Variants in ARHGAP31 observed in about 807,000 individuals in gnomAD.
The protein encoded by ARHGAP31 is Rho GTPase activating protein 31.
A neutral mutation model predicts 113.9 loss-of-function variants in ARHGAP31; 34 were observed. The observed-to-expected ratio is 0.30, with a 90% CI of 0.23 to 0.40. ARHGAP31 has a LOEUF of 0.40. Among genes scored for constraint, ARHGAP31 ranks in the 10% least tolerant of loss-of-function variants. ARHGAP31 has a pLI of 1.00. For missense variants in ARHGAP31, 1,548 were observed against 1,767.1 expected (o/e 0.88, Z 2.22); for synonymous variants, 650 against 684.8 (o/e 0.95, Z 0.79).
rs770576541 is a variant in ARHGAP31, at chr3:119,414,410, C to T, written c.2481C>T (p.Ser827=). The change falls in exon 12 of 12, where the codon AGC becomes AGT. Residue 827 remains serine, a synonymous_variant. Coordinates refer to ENST00000264245, the MANE Select transcript of ARHGAP31 (RefSeq NM_020754.4). ...LYIDQLKSQD[S]PEISSLCQGE... ...TAGACCAGCTGAAGTCCCAAGACAG[C>T]CCTGAGATCTCTAGCCTCTGTCAGG... 6.2e-7 allele frequency: 1 copy of T among 1,614,214 alleles called. No individual in the cohort carries two copies. Among genetic ancestry groups the T allele is most frequent in the Non-Finnish European group, 8.5e-7 (1 of 1,180,040 alleles).
At chr3:119,327,569 A>G (rs867264853) in intron 1 of ARHGAP31, among the ~76,000 whole-genome samples, 3 of 152,268 alleles carry the variant, frequency 2.0e-5, no homozygotes, top group Non-Finnish European at 2.9e-5. Context: ...ATAAAGTAAA[A>G]TAAAATAAAT....
chr3:119,407,347 G>GA (rs776196297), intron 10 of ARHGAP31, among the ~76,000 whole-genome samples: 21 of 18,904 alleles, frequency 1.1e-3, no homozygotes, highest in Non-Finnish European at 1.4e-3. Flanking sequence ...ACTCCATCTC[G>GA]AAAAAAAAAA....
At chr3:119,358,346 A>G (rs2080176788) in intron 1 of ARHGAP31, among the ~76,000 whole-genome samples, 1 of 152,236 alleles carries the variant, frequency 6.6e-6, no homozygotes, top group African/African-American at 2.4e-5. Context: ...AAGATAGACA[A>G]CAAGTCTTGA....
chr3:119,394,642 AAAAAAAACC>A (rs1226258378), intron 8 of ARHGAP31, among the ~76,000 whole-genome samples: 1 of 151,784 alleles, frequency 6.6e-6, no homozygotes, highest in African/African-American at 2.4e-5. Context: ...TGGATCCTGG[AAAAAAAACC>A]AAAAAAACAA....
At chr3:119,309,582 C>CT (rs922717824) in intron 1 of ARHGAP31, among the ~76,000 whole-genome samples, 31 of 139,742 alleles carry the variant, frequency 2.2e-4, no homozygotes, top group African/African-American at 7.8e-4. Flanking sequence ...TGGCAAGACT[C>CT]TGTCTCTACA....
intron 1 of ARHGAP31, chr3:119,322,471 C>G (rs2079797279): frequency 1.3e-5 from 2 of 152,546 alleles, no homozygotes; most frequent in Non-Finnish European, 2.9e-5. Context: ...GGCAGCTTCT[C>G]TCAGTGGCAG....
At chr3:119,362,691 C>T (rs2080219088) in intron 1 of ARHGAP31, among the ~76,000 whole-genome samples, 1 of 150,884 alleles carries the variant, frequency 6.6e-6, no homozygotes, top group African/African-American at 2.4e-5. Context: ...TCACTTGAAA[C>T]TGGGAGGCCA....
intron 1 of ARHGAP31, among the ~76,000 whole-genome samples, chr3:119,319,030 A>C (rs562346296): frequency 1.8e-4 from 28 of 152,240 alleles, no homozygotes; most frequent in African/African-American, 6.5e-4. Flanking sequence ...TCATTGTTAA[A>C]AATTCTTCCC....
At chr3:119,361,151 TA>T (rs1303582383) in intron 1 of ARHGAP31, among the ~76,000 whole-genome samples, 6 of 152,206 alleles carry the variant, frequency 3.9e-5, no homozygotes, top group African/African-American at 1.4e-4. Flanking sequence ...ACTGCAACAC[TA>T]CCCTCCAGGG....
rs200598971 is a variant in ARHGAP31 at position 119,414,145 on chromosome 3, C to G, written c.2216C>G (p.Pro739Arg). The change falls in exon 12 of 12, where the codon CCG (proline) becomes CGG (arginine). Residue 739 changes from proline (P) to arginine (R), a missense_variant. Pro to Arg is a moderately radical substitution (Grantham distance 103). Coordinates refer to ENST00000264245, the MANE Select transcript of ARHGAP31 (RefSeq NM_020754.4). ...GASTAASREK[P>R]EPEQGLHPDL... The stretch of plus-strand genomic sequence containing the variant: ...TCCACAGCAGCCAGCAGAGAGAAGC[C>G]GGAACCTGAGCAGGGCCTGCACCCA... 1.2e-6 allele frequency: 2 copies of G among 1,614,168 alleles called. No homozygotes were observed. The highest frequency in any genetic ancestry group is 1.7e-6 in the Non-Finnish European group (2 of 1,180,026).
intron 1 of ARHGAP31, among the ~76,000 whole-genome samples, chr3:119,344,883 A>G (rs910331768): frequency 2.0e-5 from 3 of 152,184 alleles, no homozygotes; most frequent in Non-Finnish European, 4.4e-5. Context: ...GTAACCAACC[A>G]TAGTTTTTTT....
intron 8 of ARHGAP31, among the ~76,000 whole-genome samples, chr3:119,395,890 C>A (rs991201835): frequency 1.3e-5 from 2 of 152,084 alleles, no homozygotes; most frequent in African/African-American, 4.8e-5. Context: ...CAGGTTGCCA[C>A]AAGTATGGCA....
chr3:119,318,916 C>T (rs907209004), intron 1 of ARHGAP31, among the ~76,000 whole-genome samples: 10 of 152,002 alleles, frequency 6.6e-5, no homozygotes, highest in African/African-American at 2.4e-4. Flanking sequence ...CTTGGTCCAA[C>T]AACCTGCCCA....
chr3:119,295,732 C>T (rs560282807), intron 1 of ARHGAP31, among the ~76,000 whole-genome samples: 9 of 149,828 alleles, frequency 6.0e-5, no homozygotes, highest in Non-Finnish European at 1.0e-4. Context: ...AGGAAAACTT[C>T]TCTGTTTTCA....
chr3:119,342,225 C>T (rs1040179991), intron 1 of ARHGAP31, among the ~76,000 whole-genome samples: 48 of 152,030 alleles, frequency 3.2e-4, no homozygotes, highest in South Asian at 4.2e-4. Flanking sequence ...CTAGGCCCCC[C>T]GATGATTTTT....
At chr3:119,412,976 C>T (rs568919511) in intron 11 of ARHGAP31, among the ~76,000 whole-genome samples, 1 of 151,186 alleles carries the variant, frequency 6.6e-6, no homozygotes, top group Non-Finnish European at 1.5e-5. Context: ...TGAGATCACG[C>T]CACTGCACTC....
rs781485119 is a variant in ARHGAP31, at chr3:119,415,353, G to T, written c.3424G>T (p.Val1142Phe). 10 of 1,613,912 alleles carry T rather than the reference G, an allele frequency of 6.2e-6. No homozygotes were observed. Among genetic ancestry groups the T allele is most frequent in the East Asian group, 2.2e-5 (1 of 44,884 alleles). Residue 1142 changes from valine to phenylalanine, a missense_variant, in exon 12 of 12, where the codon GTC becomes TTC. Physicochemically the swap from Val to Phe is conservative, Grantham distance 50. Coordinates refer to ENST00000264245, the MANE Select transcript of ARHGAP31 (RefSeq NM_020754.4). ...MQVSEPGDPK[V>F]TWMTSSYCKA... is the part of the protein sequence containing the mutation. ...GGTCTCTGAGCCAGGAGACCCAAAG[G>T]TCACATGGATGACCTCATCTTACTG...
At chr3:119,351,620 A>C (rs1559976399) in intron 1 of ARHGAP31, among the ~76,000 whole-genome samples, 1 of 151,824 alleles carries the variant, frequency 6.6e-6, no homozygotes, top group African/African-American at 2.4e-5. Flanking sequence ...AAGAAAAAAA[A>C]AGAGAGGTGG....
rs758792407 is a variant in ARHGAP31, at chr3:119,294,818, C to G, written c.-87C>G. 1.3e-5 allele frequency: 17 copies of G among 1,270,322 alleles called. No homozygotes were observed. The highest frequency in any genetic ancestry group is 4.4e-5 in the African/African-American group (3 of 68,058). 78.7% of individuals were successfully genotyped at this position (1,270,322 alleles called of 1,614,324 possible). A position where few individuals can be genotyped will look rare whatever the true frequency, so the allele number is the denominator to read the frequency against. Reference sequence around the variant, plus strand: ...CGGCCCCCCAGAGCCGCGGGGCAGCCGGTGATCTAGCCCGGGAGCCCATCT... The same window carrying G: ...CGGCCCCCCAGAGCCGCGGGGCAGCGGGTGATCTAGCCCGGGAGCCCATCT... On this transcript the variant is annotated 5_prime_UTR_variant, in exon 1 of 12. Transcript: ENST00000264245.
Sources: gnomAD v4.1 joint callset for allele counts (sites outside exome capture counted in the v4.1 genomes callset) on GRCh38, gnomAD v4.1.1 for gene constraint, MANE v1.5 for transcripts, NCBI Gene and HGNC (gene_info 2026-07-23, HGNC 2026-07-21) for gene names.